Variants in GRB10 observed in about 807,000 individuals in gnomAD.
GRB10 encodes growth factor receptor-bound protein 10.
GRB10 carries 20 observed loss-of-function variants against 80.9 expected under a neutral mutation model. The ratio of observed to expected loss-of-function variants is 0.25; its 90% CI spans 0.17 to 0.36. GRB10 has a LOEUF of 0.36. Among genes scored for constraint, GRB10 ranks in the 10% least tolerant of loss-of-function variants. The probability of loss-of-function intolerance (pLI) is 1.00; values close to 1 mark genes in which losing one functional copy is unlikely to be tolerated. For missense variants in GRB10, 548 were observed against 747.7 expected, an observed-to-expected ratio of 0.73 and a Z score of 3.12; for synonymous variants, 291 against 291.5, an observed-to-expected ratio of 1.00 and a Z score of 0.02.
At chr7:50,690,649 C>T (rs973565498) in intron 5 of GRB10, among the ~76,000 whole-genome samples, 2 of 152,012 alleles carry the variant, frequency 1.3e-5, no homozygotes, top group Admixed American at 1.3e-4. Context: ...CACGAGCAAC[C>T]GATACTTGTT....
intron 4 of GRB10, among the ~76,000 whole-genome samples, chr7:50,704,416 A>C (rs1297766174): frequency 2.0e-5 from 3 of 152,248 alleles, no homozygotes; most frequent in African/African-American, 7.2e-5. Context: ...GTAAAACAGC[A>C]ATATTATGAT....
chr7:50,787,268 C>CAGGAGG (rs56235564), upstream of GRB10, among the ~76,000 whole-genome samples: 1,393 of 148,754 alleles, frequency 9.4e-3, 20 homozygotes, highest in African/African-American at 0.025. Flanking sequence ...CTCTGGAGAG[C>CAGGAGG]AGGAGGAGGA....
At chr7:50,787,861 T>G (rs912774737), upstream of GRB10, among the ~76,000 whole-genome samples, 1 of 152,190 alleles carries the variant, frequency 6.6e-6, no homozygotes. Flanking sequence ...CCCTGCAGCC[T>G]GTCCTGGGCC....
intron 3 of GRB10, among the ~76,000 whole-genome samples, chr7:50,753,421 G>A (rs528774708): frequency 1.3e-5 from 2 of 152,308 alleles, no homozygotes; most frequent in East Asian, 3.9e-4. Context: ...TACCAAATGG[G>A]TGCCCACATT....
intron 7 of GRB10, among the ~76,000 whole-genome samples, chr7:50,657,837 T>G (rs1290921992): frequency 6.6e-6 from 1 of 152,230 alleles, no homozygotes; most frequent in Non-Finnish European, 1.5e-5. Flanking sequence ...AATTCTCTTG[T>G]GAATTTTTTG....
At chr7:50,777,688 G>A (rs1324057473) in intron 2 of GRB10, among the ~76,000 whole-genome samples, 4 of 151,820 alleles carry the variant, frequency 2.6e-5, no homozygotes, top group Non-Finnish European at 5.9e-5. Flanking sequence ...ATGATAGACT[G>A]GATAAAGAAA....
At chr7:50,641,790 G>A (rs974516519) in intron 7 of GRB10, among the ~76,000 whole-genome samples, 1 of 152,236 alleles carries the variant, frequency 6.6e-6, no homozygotes, top group African/African-American at 2.4e-5. Context: ...GCGAGAGAAG[G>A]CACTGGGACT....
At chr7:50,621,721 T>A (rs1334428900) in intron 8 of GRB10, among the ~76,000 whole-genome samples, 1 of 152,216 alleles carries the variant, frequency 6.6e-6, no homozygotes, top group Non-Finnish European at 1.5e-5. Flanking sequence ...ATGATTACAA[T>A]GGCCTAAGTT....
intron 2 of GRB10, among the ~76,000 whole-genome samples, chr7:50,763,268 C>G (rs1331790375): frequency 6.6e-6 from 1 of 152,168 alleles, no homozygotes; most frequent in African/African-American, 2.4e-5. Context: ...ATTTGCAAAA[C>G]AGACATGTGA....
At chr7:50,675,727 T>A (rs2060856021) in intron 5 of GRB10, among the ~76,000 whole-genome samples, 1 of 151,806 alleles carries the variant, frequency 6.6e-6, no homozygotes, top group African/African-American at 2.4e-5. Flanking sequence ...AAAACACATG[T>A]GTCTCTCTCT....
chr7:50,776,415 C>T (rs576700032), intron 2 of GRB10, among the ~76,000 whole-genome samples: 21 of 151,528 alleles, frequency 1.4e-4, no homozygotes, highest in Admixed American at 2.6e-4. Flanking sequence ...GAGATAAGGT[C>T]TCATTATATT....
At chr7:50,682,572 T>C (rs941014571) in intron 5 of GRB10, among the ~76,000 whole-genome samples, 2 of 152,360 alleles carry the variant, frequency 1.3e-5, no homozygotes, top group South Asian at 2.1e-4. Flanking sequence ...GCCTTTAGTA[T>C]TTCCAGTTAA....
chr7:50,650,055 G>A (rs1428071097), intron 7 of GRB10, among the ~76,000 whole-genome samples: 1 of 152,140 alleles, frequency 6.6e-6, no homozygotes, highest in Non-Finnish European at 1.5e-5. Context: ...TAGAGTGGGG[G>A]AGGCTGAGGA....
chr7:50,626,822 C>T lies in GRB10; in HGVS notation c.661G>A (p.Glu221Lys). Residue 221 changes from glutamate (E) to lysine (K), a missense_variant and splice_region_variant, in exon 8 of 19, where the codon GAG (glutamate) becomes AAG (lysine). Coordinates refer to ENST00000401949, the MANE Select transcript of GRB10 (RefSeq NM_001350814.2). ...LVEHHPHLGL[E>K]RCLEDHELVV... ...CAATCCTGTTCTGATGGTTCCCTACCTAATCCTAGGTGCGGGTGGTGCTCC... is the reference window on the plus strand; with the variant it reads ...CAATCCTGTTCTGATGGTTCCCTACTTAATCCTAGGTGCGGGTGGTGCTCC... 1 of 1,614,194 alleles carries T rather than the reference C, an allele frequency of 6.2e-7. No individual in the cohort carries two copies. Among genetic ancestry groups the T allele is most frequent in the Middle Eastern group, 1.6e-4 (1 of 6,062 alleles).
chr7:50,715,854 C>T lies in GRB10; in HGVS notation c.52-11946G>A, dbSNP rs371421656. ...GAAACAGTTTTCATACATTTGACAACAGGCAGCATGGGACAGTGATTCCTG... is the reference window on the plus strand; with the variant it reads ...GAAACAGTTTTCATACATTTGACAATAGGCAGCATGGGACAGTGATTCCTG... On this transcript the variant is annotated intron_variant, in intron 4 of 18. Coordinates refer to ENST00000401949, the MANE Select transcript of GRB10 (RefSeq NM_001350814.2). Among the ~76,000 whole-genome samples the T allele has an allele frequency of 2.0e-5, 3 of 152,356 alleles. 1 individual carries two copies. The highest frequency in any genetic ancestry group is 6.5e-5 in the Admixed American group (1 of 15,304).
At chr7:50,790,449 T>C (rs935334288) in intron 1 of GRB10, among the ~76,000 whole-genome samples, 2 of 152,256 alleles carry the variant, frequency 1.3e-5, no homozygotes, top group Non-Finnish European at 2.9e-5. Flanking sequence ...AAGGACTGAT[T>C]ACTCAAATGA....
At chr7:50,625,054 A>G (rs1489162572) in intron 8 of GRB10, among the ~76,000 whole-genome samples, 1 of 152,208 alleles carries the variant, frequency 6.6e-6, no homozygotes, top group Admixed American at 6.5e-5. Flanking sequence ...TTCTTTTCCT[A>G]TTCTCTCAGA....
intron 7 of GRB10, among the ~76,000 whole-genome samples, chr7:50,664,812 C>T (rs920759657): frequency 2.6e-5 from 4 of 152,202 alleles, no homozygotes; most frequent in South Asian, 2.1e-4. Flanking sequence ...TCACCCTTAC[C>T]ACAACAGCCT....
At chr7:50,604,651 T>G (rs916730938) in intron 15 of GRB10, among the ~76,000 whole-genome samples, 1 of 152,194 alleles carries the variant, frequency 6.6e-6, no homozygotes, top group East Asian at 1.9e-4. Context: ...GCCATGAACA[T>G]CCTGGTAAAT....
Sources: allele counts gnomAD v4.1 joint callset (sites outside exome capture counted in the v4.1 genomes callset), GRCh38; gene constraint gnomAD v4.1.1; transcripts MANE v1.5; gene names NCBI Gene and HGNC (gene_info 2026-07-23, HGNC 2026-07-21).